The following BTBD9 variants were observed in gnomAD, a reference collection of about 807,000 sequenced individuals.
The protein encoded by BTBD9 is BTB domain containing 9.
Under a neutral mutation model 64.3 loss-of-function variants are expected in BTBD9, and 49 were observed. The ratio of observed to expected loss-of-function variants is 0.76; its 90% CI spans 0.61 to 0.97. The LOEUF is 0.97. Among genes scored for constraint, BTBD9 ranks in the 50% least tolerant of loss-of-function variants. The pLI, the probability that BTBD9 is intolerant of heterozygous loss-of-function variation, is 0.00. For synonymous variants in BTBD9, 260 were observed against 274.7 expected (o/e 0.95, Z 0.53); for missense variants, 598 against 762.1 (o/e 0.78, Z 2.53).
intron 6 of BTBD9, among the ~76,000 whole-genome samples, chr6:38,447,870 T>A (rs566743407): frequency 7.2e-5 from 11 of 152,324 alleles, no homozygotes; most frequent in African/African-American, 2.6e-4. Context: ...GCTGGTGGGA[T>A]ACAAAAAGTA....
intron 8 of BTBD9, among the ~76,000 whole-genome samples, chr6:38,256,913 T>G (rs1414450204): frequency 6.6e-6 from 1 of 152,124 alleles, no homozygotes; most frequent in East Asian, 1.9e-4. Flanking sequence ...ACAAGGTGTT[T>G]CTCTGTCACC....
chr6:38,345,190 G>A, intron 6 of BTBD9, 97 bp from the exon 7 acceptor site: 1 of 698,744 alleles, frequency 1.4e-6, no homozygotes, highest in South Asian at 2.1e-5. Context: ...AACATAGAGT[G>A]CACCAGGATA....
At chr6:38,378,261 TGA>T (rs1765775320) in intron 6 of BTBD9, among the ~76,000 whole-genome samples, 1 of 149,730 alleles carries the variant, frequency 6.7e-6, no homozygotes, top group African/African-American at 2.5e-5. Flanking sequence ...TTTTTTTTTT[TGA>T]GATGGAGTCT....
chr6:38,515,530 T>C (rs938202457), intron 6 of BTBD9, among the ~76,000 whole-genome samples: 11 of 152,214 alleles, frequency 7.2e-5, no homozygotes, highest in Non-Finnish European at 1.2e-4. Context: ...CATCATGACA[T>C]TGAACAAAGA....
intron 6 of BTBD9, among the ~76,000 whole-genome samples, chr6:38,374,314 T>TATATAC (rs1562095753): frequency 8.6e-5 from 10 of 116,864 alleles, no homozygotes; most frequent in East Asian, 2.3e-4. Context: ...TATGTATATA[T>TATATAC]ATATATATAT....
At chr6:38,476,756 A>G (rs1415475599) in intron 6 of BTBD9, among the ~76,000 whole-genome samples, 2 of 152,256 alleles carry the variant, frequency 1.3e-5, no homozygotes, top group Non-Finnish European at 2.9e-5. Context: ...ATAACACATG[A>G]CAGCTTCAGA....
At chr6:38,215,087 G>A (rs960991172) in intron 9 of BTBD9, among the ~76,000 whole-genome samples, 5 of 152,130 alleles carry the variant, frequency 3.3e-5, no homozygotes, top group African/African-American at 4.8e-5. Context: ...GAAGGGGATG[G>A]GTGAAAAAAC....
At chr6:38,503,248 T>G (rs898934204) in intron 6 of BTBD9, among the ~76,000 whole-genome samples, 13 of 152,068 alleles carry the variant, frequency 8.5e-5, no homozygotes, top group African/African-American at 3.1e-4. Flanking sequence ...TCCCGCTGCC[T>G]TCTGCAGAAA....
At chr6:38,268,812 A>G (rs1380766908) in intron 8 of BTBD9, among the ~76,000 whole-genome samples, 4 of 152,192 alleles carry the variant, frequency 2.6e-5, no homozygotes, top group Non-Finnish European at 4.4e-5. Flanking sequence ...CAGACTTACT[A>G]CCAGCGTGAG....
At chr6:38,357,613 G>A (rs1023923031) in intron 6 of BTBD9, among the ~76,000 whole-genome samples, 33 of 152,276 alleles carry the variant, frequency 2.2e-4, no homozygotes, top group African/African-American at 6.7e-4. Context: ...ATAAAAATTT[G>A]AGCAGAGGTC....
At chr6:38,254,873 G>A (rs1302975649) in intron 9 of BTBD9, among the ~76,000 whole-genome samples, 13 of 152,116 alleles carry the variant, frequency 8.5e-5, no homozygotes, top group Admixed American at 5.9e-4. Context: ...AAAGTTAAAC[G>A]CAGAGTTATC....
intron 6 of BTBD9, among the ~76,000 whole-genome samples, chr6:38,382,963 T>C (rs1766001980): frequency 6.6e-6 from 1 of 152,220 alleles, no homozygotes; most frequent in African/African-American, 2.4e-5. Flanking sequence ...CTACCAAACA[T>C]TCAAGAAACA....
intron 7 of BTBD9, among the ~76,000 whole-genome samples, chr6:38,333,701 C>T (rs1367917742): frequency 6.6e-6 from 1 of 152,242 alleles, no homozygotes; most frequent in Non-Finnish European, 1.5e-5. Flanking sequence ...TCTGCAGAAG[C>T]AGAAGCCCGT....
intron 6 of BTBD9, among the ~76,000 whole-genome samples, chr6:38,396,891 CTTTTTCTTTTTTTTTTTTT>C (rs1477135997): frequency 7.6e-6 from 1 of 130,978 alleles, no homozygotes; most frequent in Non-Finnish European, 1.6e-5. Flanking sequence ...TTCTTTTTTT[CTTTTTCTTTTTTTTTTTTT>C]TTTTTTTTTG....
In BTBD9 at chr6:38,406,436, C is replaced by T. The variant is rs1767168077; in HGVS notation, c.1155-61343G>A. Among the ~76,000 whole-genome samples, 3 of 152,100 alleles carry T rather than the reference C, an allele frequency of 2.0e-5. No individual in the cohort carries two copies. The South Asian group carries it at 6.2e-4, about 32-fold the overall frequency. ...GAGGAATATACATACATTACCATTC[C>T]ATTAAATTTCTTGTCAGAATTGGTA... is the stretch of plus-strand genomic sequence containing the variant. On this transcript the variant is annotated intron_variant, in intron 6 of 10. Transcript: ENST00000481247.
At chr6:38,256,292 T>C in intron 9 of BTBD9, 117 bp downstream of exon 9, 1 of 701,754 alleles carries the variant, frequency 1.4e-6, no homozygotes, top group East Asian at 2.7e-5. Context: ...GAGTGTGTTT[T>C]CCACCTCCAA....
intron 6 of BTBD9, among the ~76,000 whole-genome samples, chr6:38,355,801 T>C (rs966532889): frequency 2.0e-5 from 3 of 152,208 alleles, no homozygotes; most frequent in African/African-American, 7.2e-5. Context: ...GCCTGCACAC[T>C]GTATCTCACA....
chr6:38,343,854 G>A (rs571827220), intron 7 of BTBD9, among the ~76,000 whole-genome samples: 6 of 152,252 alleles, frequency 3.9e-5, no homozygotes, highest in African/African-American at 1.4e-4. Context: ...AAAGGATTAG[G>A]TTTTAGACAC....
chr6:38,588,251 G>A (rs139231603), intron 4 of BTBD9: 6 of 1,125,860 alleles, frequency 5.3e-6, no homozygotes, highest in Non-Finnish European at 8.2e-6. Flanking sequence ...CTGCCTTTTT[G>A]GTCAGCCTCA....
Sources: allele counts gnomAD v4.1 joint callset (sites outside exome capture counted in the v4.1 genomes callset), GRCh38; gene constraint gnomAD v4.1.1; transcripts MANE v1.5; gene names NCBI Gene and HGNC (gene_info 2026-07-23, HGNC 2026-07-21).